Variants in TMTC4 observed in about 807,000 individuals in gnomAD.
The protein encoded by TMTC4 is protein O-mannosyl-transferase TMTC4.
In TMTC4, 65 loss-of-function variants were observed where a neutral mutation model predicts 86.0. That is an observed-to-expected ratio of 0.76 (90% confidence interval 0.62 to 0.93). The LOEUF is 0.93. Ranked by LOEUF, TMTC4 falls within the 40% of genes least tolerant of loss-of-function variation. TMTC4 has a pLI of 0.00. For synonymous variants in TMTC4, 379 were observed against 382.5 expected, an observed-to-expected ratio of 0.99 and a Z score of 0.11; for missense variants, 866 against 948.1, an observed-to-expected ratio of 0.91 and a Z score of 1.14.
intron 15 of TMTC4, chr13:100,624,384 C>A: frequency 6.6e-6 from 1 of 151,978 alleles, no homozygotes; most frequent in South Asian, 2.1e-4. Context: ...AAAGAGACAC[C>A]ACCTCCAGAA....
At chr13:100,662,867 G>C in intron 5 of TMTC4, 97 bp downstream of exon 5, 5 of 1,285,682 alleles carry the variant, frequency 3.9e-6, no homozygotes, top group Non-Finnish European at 5.6e-6. Context: ...AACCAAGATG[G>C]GTACATAAAG....
intron 3 of TMTC4, 180 bp downstream of exon 3, chr13:100,668,399 A>G: frequency 1.6e-6 from 1 of 644,728 alleles, no homozygotes. Flanking sequence ...TGGTGCCAGC[A>G]ATAAGAAAGG....
chr13:100,606,522 C>T (rs1876625099), intron 17 of TMTC4, 95 bp from the exon 18 acceptor site: 1 of 999,112 alleles, frequency 1.0e-6, no homozygotes, highest in South Asian at 1.5e-5. Flanking sequence ...AACTTTTAAC[C>T]TCCTCCTTTT....
chr13:100,618,925 A>G (rs1879000297), intron 15 of TMTC4, among the ~76,000 whole-genome samples: 1 of 152,122 alleles, frequency 6.6e-6, no homozygotes, highest in Non-Finnish European at 1.5e-5. Context: ...CGATTTCTCA[A>G]TCTTTTCCCC....
intron 1 of TMTC4, among the ~76,000 whole-genome samples, chr13:100,672,561 G>A (rs890394992): frequency 1.3e-5 from 2 of 152,106 alleles, no homozygotes; most frequent in Middle Eastern, 3.2e-3. Context: ...TATGATCATA[G>A]CTCACCACAG....
At position 100,634,918 on chromosome 13, in the gene TMTC4, C is replaced by T. The variant is rs117383787; in HGVS notation, c.1393G>A (p.Val465Met). ...TKKKKLIAAVVLGILFINTLR... is the reference protein window; with the variant it reads ...TKKKKLIAAVMLGILFINTLR... ...GTGTTGATGAATAAGATTCCCAGCACGACAGCGGCAATGAGTTTCTTAAGA... is the reference window on the plus strand; with the variant it reads ...GTGTTGATGAATAAGATTCCCAGCATGACAGCGGCAATGAGTTTCTTAAGA... The change falls in exon 12 of 19, where the codon GTG becomes ATG. Residue 465 changes from valine (V) to methionine (M), a missense_variant. By Grantham distance (21) the Val-to-Met change is conservative. Coordinates refer to ENST00000342624, the MANE Select transcript of TMTC4 (RefSeq NM_032813.5). The T allele has an allele frequency of 6.9e-5, 111 of 1,614,034 alleles. No homozygotes were observed. Among genetic ancestry groups the T allele is most frequent in the East Asian group, 5.1e-4 (23 of 44,868 alleles).
rs1405110888 is a variant in TMTC4, at chr13:100,625,482, TAAG to T, written c.1836+50_1836+52del. 1.9e-6 allele frequency: 3 copies of T among 1,605,232 alleles called. No homozygotes were observed. The East Asian group carries it at 6.7e-5, about 36-fold the overall frequency. Reference sequence around the variant, plus strand: ...TGTCACTATGTCATTTTATTATAAATAAGAAAAATAACCCATCTTTCCTTCCAC... The same window carrying T: ...TGTCACTATGTCATTTTATTATAAATAAAAATAACCCATCTTTCCTTCCAC... On this transcript the variant is annotated intron_variant, in intron 15 of 18. Coordinates refer to ENST00000342624, the MANE Select transcript of TMTC4 (RefSeq NM_032813.5).
At chr13:100,668,895 AT>A in intron 2 of TMTC4, 101 bp from the exon 3 acceptor site, 1 of 1,182,342 alleles carries the variant, frequency 8.5e-7, no homozygotes, top group Non-Finnish European at 1.2e-6. Flanking sequence ...TTATGCTATG[AT>A]TTTATAGGAT....
intron 7 of TMTC4, among the ~76,000 whole-genome samples, chr13:100,640,019 G>A (rs1343494979): frequency 6.6e-6 from 1 of 152,106 alleles, no homozygotes; most frequent in African/African-American, 2.4e-5. Context: ...GGACCTTGTA[G>A]ATGGAAATTC....
chr13:100,670,402 G>A lies in TMTC4; in HGVS notation c.-40C>T. ...GTCCCCTTCCAGGGGCCAGAAGGAG[G>A]CTCAGATTTACAATCCAGAGATGAA... is the stretch of plus-strand genomic sequence containing the variant. On this transcript the variant is annotated 5_prime_UTR_variant, in exon 2 of 19. Transcript: ENST00000342624. The A allele has an allele frequency of 1.3e-6, 2 of 1,595,828 alleles. No homozygotes were observed. The highest frequency in any genetic ancestry group is 8.5e-7 in the Non-Finnish European group (1 of 1,173,842).
intron 3 of TMTC4, among the ~76,000 whole-genome samples, chr13:100,666,832 T>A (rs1886450163): frequency 6.6e-6 from 1 of 152,024 alleles, no homozygotes; most frequent in Non-Finnish European, 1.5e-5. Flanking sequence ...TACAAAAAAA[T>A]TTTAAAAGTC....
intron 6 of TMTC4, among the ~76,000 whole-genome samples, chr13:100,653,998 A>G (rs917051631): frequency 7.2e-5 from 11 of 152,244 alleles, no homozygotes; most frequent in Admixed American, 2.0e-4. Flanking sequence ...TGGTGACTCC[A>G]TCGGCTCCAT....
intron 15 of TMTC4, among the ~76,000 whole-genome samples, chr13:100,622,586 T>C (rs577988692): frequency 2.0e-5 from 3 of 152,262 alleles, no homozygotes; most frequent in East Asian, 3.9e-4. Flanking sequence ...CTTATTTTCT[T>C]TTGTCTGCTG....
Position 100,605,149 on chromosome 13 carries a change from T to A in TMTC4, c.2135-7A>T, listed in dbSNP as rs777905985. 6.2e-7 allele frequency: 1 copy of A among 1,607,520 alleles called. No individual in the cohort carries two copies. Among genetic ancestry groups the A allele is most frequent in the Admixed American group, 1.7e-5 (1 of 58,516 alleles). ...CAACGATGATAAAGCACAGCTGAAA[T>A]AGCAGGAGATAAATTTCACTGGGAA... On this transcript the variant is annotated splice_polypyrimidine_tract_variant and splice_region_variant and intron_variant, in intron 18 of 18. Transcript: ENST00000342624. The surrounding 1 kb of genome is among the most constrained non-coding windows in gnomAD (Gnocchi z 4.3).
At position 100,605,046 on chromosome 13, in the gene TMTC4, TTCTCCTTA is replaced by T. The variant is rs1802498635; in HGVS notation, c.2223_2230del (p.Lys742LeufsTer32). 1 of 1,614,134 alleles carries T rather than the reference TTCTCCTTA, an allele frequency of 6.2e-7. No homozygotes were observed. The highest frequency in any genetic ancestry group is 8.5e-7 in the Non-Finnish European group (1 of 1,180,010). On this transcript the variant is annotated frameshift_variant, in exon 19 of 19. Transcript: ENST00000342624. LOFTEE classifies it high-confidence loss of function. This position sits in a 1 kb window ranked among gnomAD's most constrained non-coding sequence, Gnocchi z 4.3. ...TAGCTTTCTTCTCAGCAGACCGTAA[TTCTCCTTA>T]GTTCCTGATGCCGTGGGGTCAAGCT...
intron 15 of TMTC4, among the ~76,000 whole-genome samples, chr13:100,619,465 T>C (rs1326234954): frequency 6.6e-6 from 1 of 152,172 alleles, no homozygotes; most frequent in Non-Finnish European, 1.5e-5. Flanking sequence ...CCTTTAACTC[T>C]GCAAAAAGTA....
chr13:100,634,743 G>A (rs1163762421), intron 12 of TMTC4, 62 bp downstream of exon 12: 2 of 1,561,928 alleles, frequency 1.3e-6, no homozygotes, highest in East Asian at 2.3e-5. Context: ...TTCTTATTCA[G>A]CCCAAGAACT....
chr13:100,668,688 G>C lies in TMTC4; in HGVS notation c.110C>G (p.Pro37Arg), dbSNP rs1242439832. 6.2e-7 allele frequency: 1 copy of C among 1,614,118 alleles called. No individual in the cohort carries two copies. Among genetic ancestry groups the C allele is most frequent in the Non-Finnish European group, 8.5e-7 (1 of 1,180,044 alleles). The change falls in exon 3 of 19, where the codon CCT becomes CGT. Residue 37 changes from proline to arginine, a missense_variant. Transcript: ENST00000342624. ...LDHILPSSVL[P>R]PFWAKLVVGS... ...CACTACTAACTTAGCCCAGAATGGAGGAAGAACAGAAGATGGAAGAATGTG... is the reference window on the plus strand; with the variant it reads ...CACTACTAACTTAGCCCAGAATGGACGAAGAACAGAAGATGGAAGAATGTG...
chr13:100,646,019 T>G (rs769888576), intron 6 of TMTC4, among the ~76,000 whole-genome samples: 1 of 152,086 alleles, frequency 6.6e-6, no homozygotes, highest in Admixed American at 6.5e-5. Flanking sequence ...TTGAGAACCA[T>G]TGCCCTAAAC....
Sources: allele counts gnomAD v4.1 joint callset (sites outside exome capture counted in the v4.1 genomes callset), GRCh38; gene constraint gnomAD v4.1.1; non-coding constraint Gnocchi (gnomAD v3.1); transcripts MANE v1.5; gene names NCBI Gene and HGNC (gene_info 2026-07-23, HGNC 2026-07-21).